The following TUBGCP3 variants were observed in gnomAD, a reference collection of about 807,000 sequenced individuals.
TUBGCP3 encodes tubulin gamma complex component 3, also known as gamma-tubulin complex component 3.
TUBGCP3 carries 50 observed loss-of-function variants against 123.1 expected under a neutral mutation model. That is an observed-to-expected ratio of 0.41 (90% CI 0.32 to 0.51). The LOEUF is 0.51. Among genes scored for constraint, TUBGCP3 ranks in the 20% least tolerant of loss-of-function variants. The pLI is 0.36. For missense variants in TUBGCP3, 882 were observed against 1,127.0 expected, an observed-to-expected ratio of 0.78 and a Z score of 3.11; for synonymous variants, 405 against 413.9, an observed-to-expected ratio of 0.98 and a Z score of 0.26.
chr13:112,541,226 A>G (rs1399356145), intron 11 of TUBGCP3, among the ~76,000 whole-genome samples: 1 of 152,200 alleles, frequency 6.6e-6, no homozygotes, highest in Non-Finnish European at 1.5e-5. Context: ...AACTCGCGGT[A>G]CCTTTAAGGA....
chr13:112,488,911 A>G (rs558650483), intron 21 of TUBGCP3, among the ~76,000 whole-genome samples: 16 of 130,812 alleles, frequency 1.2e-4, no homozygotes, highest in Non-Finnish European at 2.3e-4. Flanking sequence ...CCAGGTCCCC[A>G]CACCCACCAC....
chr13:112,517,633 C>T (rs769718315), intron 16 of TUBGCP3, among the ~76,000 whole-genome samples: 2 of 152,286 alleles, frequency 1.3e-5, no homozygotes, highest in Non-Finnish European at 2.9e-5. Context: ...TGGCTCATGC[C>T]TATAATCCCA....
chr13:112,513,086 G>A (rs1367389699), intron 17 of TUBGCP3, among the ~76,000 whole-genome samples: 8 of 152,146 alleles, frequency 5.3e-5, no homozygotes, highest in Non-Finnish European at 1.2e-4. Context: ...AGGAAAGGGA[G>A]GGAAGCTGAG....
At chr13:112,580,005 T>C (rs1213805189) in intron 1 of TUBGCP3, among the ~76,000 whole-genome samples, 1 of 152,050 alleles carries the variant, frequency 6.6e-6, no homozygotes, top group Non-Finnish European at 1.5e-5. Flanking sequence ...AATGAAAAGG[T>C]GAACTATTGA....
In TUBGCP3 at chr13:112,489,631, A is replaced by G. The variant is rs1458092946; in HGVS notation, c.2515T>C (p.Ser839Pro). ...AACTGTGAGCACATTTTTGGTATAG[A>G]TTCTTTAAATTCTCCAATCCTCTTA... ...ENKRIGEFKESIPKMCSQLRI... is the reference protein window; with the variant it reads ...ENKRIGEFKEPIPKMCSQLRI... The change falls in exon 21 of 22, where the codon TCT becomes CCT. Residue 839 changes from serine (S) to proline (P), a missense_variant. Transcript: ENST00000261965. The G allele has an allele frequency of 2.5e-6, 4 of 1,614,052 alleles. No homozygotes were observed. The highest frequency in any genetic ancestry group is 3.4e-6 in the Non-Finnish European group (4 of 1,180,026).
At chr13:112,573,399 A>G (rs1310338079) in intron 1 of TUBGCP3, among the ~76,000 whole-genome samples, 1 of 152,154 alleles carries the variant, frequency 6.6e-6, no homozygotes, top group East Asian at 1.9e-4. Flanking sequence ...AGATCAGCCC[A>G]GGCAGAAGTG....
chr13:112,500,008 G>A (rs773938637), intron 19 of TUBGCP3, among the ~76,000 whole-genome samples: 12 of 152,180 alleles, frequency 7.9e-5, no homozygotes, highest in Admixed American at 6.5e-5. Context: ...GGTACAGGCA[G>A]AGGAGGGTGG....
At position 112,546,310 on chromosome 13, in the gene TUBGCP3, GCCCATTAACTGGTTTCATAA is replaced by G. The variant is rs555838565; in HGVS notation, c.1169-465_1169-446del. 5.8e-3 allele frequency: 961 copies of G among 166,172 alleles called. 8 individuals are homozygous for G. Among genetic ancestry groups the G allele is most frequent in the African/African-American group, 0.021 (893 of 41,906 alleles). 10.3% of individuals were successfully genotyped at this position (166,172 alleles called of 1,614,324 possible). A position where few individuals can be genotyped will look rare whatever the true frequency, so the allele number is the denominator to read the frequency against. On this transcript the variant is annotated intron_variant, in intron 10 of 21. Transcript: ENST00000261965. ...TTTTTGGTATGGTATGCTAGCCCCA[GCCCATTAACTGGTTTCATAA>G]CCCATTAACTGGCTACAACAGACAG...
At chr13:112,600,363 TTGAC>T in the TUBGCP3 span, among the ~76,000 whole-genome samples, 2 of 152,204 alleles carry the variant, frequency 1.3e-5, no homozygotes, top group African/African-American at 4.8e-5. Flanking sequence ...TTCTGATTGA[TTGAC>T]TAAAACTAGT....
chr13:112,556,268 GAA>G (rs746134299), intron 5 of TUBGCP3, 44 bp from the exon 6 acceptor site: 24 of 1,570,764 alleles, frequency 1.5e-5, no homozygotes, highest in Non-Finnish European at 9.6e-6. Context: ...GCTATTCGCT[GAA>G]GAGACAAAAG....
At chr13:112,542,022 C>T (rs2139153083) in intron 11 of TUBGCP3, among the ~76,000 whole-genome samples, 1 of 152,170 alleles carries the variant, frequency 6.6e-6, no homozygotes, top group East Asian at 1.9e-4. Context: ...AGAAGATACA[C>T]CTCAAAACTG....
At chr13:112,501,673 TA>T (rs61519861) in intron 19 of TUBGCP3, among the ~76,000 whole-genome samples, 4 of 152,306 alleles carry the variant, frequency 2.6e-5, no homozygotes, top group African/African-American at 4.8e-5. Context: ...TGGGTTTATT[TA>T]TTTTTTTTTA....
chr13:112,528,477 A>G (rs1439254657), intron 11 of TUBGCP3, among the ~76,000 whole-genome samples: 3 of 152,196 alleles, frequency 2.0e-5, no homozygotes, highest in Admixed American at 2.0e-4. Flanking sequence ...GAAGCCGAGC[A>G]TATTTTCATA....
intron 16 of TUBGCP3, among the ~76,000 whole-genome samples, chr13:112,517,522 G>C (rs1053926885): frequency 1.3e-5 from 2 of 152,112 alleles, no homozygotes; most frequent in African/African-American, 4.8e-5. Flanking sequence ...CTGTACTATG[G>C]TATCTTTTAT....
intron 13 of TUBGCP3, among the ~76,000 whole-genome samples, chr13:112,525,506 A>G (rs149362389): frequency 3.4e-4 from 52 of 152,364 alleles, no homozygotes; most frequent in African/African-American, 1.2e-3. Context: ...TCCTGTAGCT[A>G]CCACAGTGTC....
chr13:112,586,801 A>G (rs1157734155), intron 1 of TUBGCP3, among the ~76,000 whole-genome samples: 2 of 152,106 alleles, frequency 1.3e-5, no homozygotes, highest in Admixed American at 6.5e-5. Context: ...CCCGGGGGGA[A>G]CTTTGAGGAC....
At chr13:112,509,998 G>T (rs1019272931) in intron 17 of TUBGCP3, among the ~76,000 whole-genome samples, 4 of 152,232 alleles carry the variant, frequency 2.6e-5, no homozygotes, top group African/African-American at 4.8e-5. Flanking sequence ...TGACCCACAA[G>T]TAACTATATA....
chr13:112,564,268 C>T (rs941741599), intron 3 of TUBGCP3, among the ~76,000 whole-genome samples: 6 of 152,124 alleles, frequency 3.9e-5, no homozygotes, highest in Admixed American at 6.5e-5. Context: ...GTTTCCAGAG[C>T]ACAATATAAC....
chr13:112,551,085 C>T lies in TUBGCP3; in HGVS notation c.967-2909G>A, dbSNP rs572605839. 1.3e-3 allele frequency among the ~76,000 whole-genome samples: 198 copies of T among 151,672 alleles called. 2 individuals are homozygous for T. The highest frequency in any genetic ancestry group is 2.1e-3 in the Non-Finnish European group (146 of 67,936). On this transcript the variant is annotated intron_variant, in intron 8 of 21. Transcript: ENST00000261965. ...CTGCACTCCAGCCTGGGTGACAGAG[C>T]GAGACGACTCCGTCTCAAAAAAAAA...
Sources: allele counts gnomAD v4.1 joint callset (sites outside exome capture counted in the v4.1 genomes callset), GRCh38; gene constraint gnomAD v4.1.1; transcripts MANE v1.5; gene names NCBI Gene and HGNC (gene_info 2026-07-23, HGNC 2026-07-21).